The following ANXA3 variants were observed in gnomAD, a reference collection of about 807,000 sequenced individuals.
ANXA3 encodes the protein 35-alpha calcimedin.
ANXA3 carries 46 observed loss-of-function variants against 48.8 expected under a neutral mutation model. The ratio of observed to expected loss-of-function variants is 0.94; its 90% CI spans 0.74 to 1.21. The LOEUF is 1.21. ANXA3 is among the 50% of genes most tolerant of loss of function. The pLI, the probability that ANXA3 is intolerant of heterozygous loss-of-function variation, is 0.00. For missense variants in ANXA3, 383 were observed against 378.6 expected (o/e 1.01, Z -0.10); for synonymous variants, 128 against 134.7 (o/e 0.95, Z 0.35).
intron 12 of ANXA3, among the ~76,000 whole-genome samples, chr4:78,607,429 CA>C (rs1723672944): frequency 2.0e-5 from 3 of 152,134 alleles, no homozygotes; most frequent in African/African-American, 7.2e-5. Context: ...ACACCTTTCT[CA>C]GGGGGTAACC....
intron 2 of ANXA3, among the ~76,000 whole-genome samples, chr4:78,557,689 CTTT>C (rs71216222): frequency 4.9e-5 from 7 of 144,298 alleles, no homozygotes; most frequent in Non-Finnish European, 7.6e-5. Context: ...CTGGGTTTTT[CTTT>C]TTTTTTTTTT....
intron 2 of ANXA3, among the ~76,000 whole-genome samples, chr4:78,569,442 G>A (rs1240852772): frequency 1.3e-5 from 2 of 152,174 alleles, no homozygotes; most frequent in African/African-American, 2.4e-5. Context: ...CTGTTTGGCT[G>A]TAAAAATGCC....
intron 4 of ANXA3, among the ~76,000 whole-genome samples, chr4:78,580,986 A>G (rs1424820913): frequency 6.6e-6 from 1 of 152,220 alleles, no homozygotes; most frequent in Non-Finnish European, 1.5e-5. Flanking sequence ...GAGGGGAACA[A>G]CCATTTCTCA....
intron 2 of ANXA3, among the ~76,000 whole-genome samples, chr4:78,557,701 T>G (rs896904288): frequency 6.6e-5 from 10 of 151,200 alleles, no homozygotes; most frequent in Non-Finnish European, 1.3e-4. Context: ...TTTTTTTTTT[T>G]TTTTTTTCCT....
At chr4:78,578,298 C>CGA (rs1220106430) in intron 3 of ANXA3, among the ~76,000 whole-genome samples, 689 of 46,498 alleles carry the variant, frequency 0.015, 17 homozygotes, top group African/African-American at 0.025. Flanking sequence ...AGAGAGAGAG[C>CGA]GAGAGAGAGA....
intron 2 of ANXA3, among the ~76,000 whole-genome samples, chr4:78,570,776 T>C (rs567172785): frequency 1.8e-4 from 27 of 152,324 alleles, no homozygotes; most frequent in African/African-American, 6.5e-4. Context: ...ATAAAGTGCT[T>C]AGCATGTAAA....
At chr4:78,586,500 A>AT in intron 6 of ANXA3, 150 bp downstream of exon 6, 3 of 571,838 alleles carry the variant, frequency 5.2e-6, no homozygotes, top group Non-Finnish European at 9.0e-6. Flanking sequence ...GCTAAAGACT[A>AT]TGAGTTTCCA....
chr4:78,593,831 G>A (rs1049885736), intron 7 of ANXA3, among the ~76,000 whole-genome samples: 14 of 113,166 alleles, frequency 1.2e-4, no homozygotes, highest in African/African-American at 4.5e-4. Context: ...TTTTTTTTTA[G>A]AGCGAGAGAA....
intron 5 of ANXA3, among the ~76,000 whole-genome samples, chr4:78,585,651 A>G (rs371043161): frequency 1.9e-4 from 29 of 152,374 alleles, no homozygotes; most frequent in Middle Eastern, 3.4e-3. Context: ...AATCTCTGCT[A>G]CAGAGAGACA....
In ANXA3 at chr4:78,574,289, T is replaced by C. The variant is rs541452400; in HGVS notation, c.103+1022T>C. Among the ~76,000 whole-genome samples the C allele has an allele frequency of 5.3e-5, 8 of 152,186 alleles. No individual in the cohort carries two copies. The East Asian group carries it at 1.5e-3, about 29-fold the overall frequency. On this transcript the variant is annotated intron_variant, in intron 3 of 12. Transcript: ENST00000264908. Reference sequence around the variant, plus strand: ...CAAAAAATTAGCTGGGCTTAGTGGCTTGGGCTTGTGATCCCAGCTACTTGG... The same window carrying C: ...CAAAAAATTAGCTGGGCTTAGTGGCCTGGGCTTGTGATCCCAGCTACTTGG...
At chr4:78,556,942 A>G (rs1308501792) in intron 2 of ANXA3, among the ~76,000 whole-genome samples, 2 of 152,202 alleles carry the variant, frequency 1.3e-5, no homozygotes, top group Non-Finnish European at 2.9e-5. Context: ...ACAAATTATC[A>G]TAAATTTAGC....
intron 3 of ANXA3, among the ~76,000 whole-genome samples, chr4:78,577,629 T>A (rs1722981320): frequency 6.6e-6 from 1 of 152,226 alleles, no homozygotes; most frequent in Non-Finnish European, 1.5e-5. Flanking sequence ...GCTAACCAAG[T>A]ACACAGAAGC....
chr4:78,588,049 T>C lies in ANXA3; in HGVS notation c.403+1699T>C, dbSNP rs559794922. 3.2e-4 allele frequency among the ~76,000 whole-genome samples: 48 copies of C among 152,258 alleles called. 1 individual carries two copies. In the South Asian group the frequency reaches 5.8e-3, roughly 18 times the overall value. On this transcript the variant is annotated intron_variant, in intron 6 of 12. Coordinates refer to ENST00000264908, the MANE Select transcript of ANXA3 (RefSeq NM_005139.3). ...AGGCAGAGGTTACAGTGAGCCGAGA[T>C]GGTGCCACTGCACTCCAGCCTGGGC...
intron 2 of ANXA3, among the ~76,000 whole-genome samples, chr4:78,570,545 T>A (rs1015877325): frequency 6.6e-6 from 1 of 152,226 alleles, no homozygotes; most frequent in African/African-American, 2.4e-5. Flanking sequence ...GTCCTGGTCA[T>A]ATACATTTAA....
chr4:78,600,087 C>T (rs1481468465), intron 10 of ANXA3, among the ~76,000 whole-genome samples: 3 of 152,124 alleles, frequency 2.0e-5, no homozygotes, highest in African/African-American at 4.8e-5. Flanking sequence ...GCAACAGAGG[C>T]ATGTTCTGCA....
intron 2 of ANXA3, among the ~76,000 whole-genome samples, chr4:78,569,171 A>T (rs1722789710): frequency 6.6e-6 from 1 of 152,074 alleles, no homozygotes; most frequent in African/African-American, 2.4e-5. Flanking sequence ...CTTCAGCAGC[A>T]TTTTTCTTTT....
chr4:78,593,130 C>CACAG (rs956140648), intron 7 of ANXA3, among the ~76,000 whole-genome samples: 1 of 151,222 alleles, frequency 6.6e-6, no homozygotes, highest in Admixed American at 6.6e-5. Flanking sequence ...CACACACACA[C>CACAG]ACACACACAC....
At chr4:78,564,959 G>A (rs951535297) in intron 2 of ANXA3, among the ~76,000 whole-genome samples, 2 of 151,314 alleles carry the variant, frequency 1.3e-5, no homozygotes, top group Non-Finnish European at 1.5e-5. Context: ...TCTATTCAGT[G>A]TGAAATAGGG....
At chr4:78,562,415 A>T (rs1722644916) in intron 2 of ANXA3, among the ~76,000 whole-genome samples, 1 of 152,220 alleles carries the variant, frequency 6.6e-6, no homozygotes, top group African/African-American at 2.4e-5. Context: ...AGGCATGTTT[A>T]AATAGGAGTA....
Sources: gnomAD v4.1 joint callset for allele counts (sites outside exome capture counted in the v4.1 genomes callset) on GRCh38, gnomAD v4.1.1 for gene constraint, MANE v1.5 for transcripts, NCBI Gene and HGNC (gene_info 2026-07-23, HGNC 2026-07-21) for gene names.